ZNF608: variants seen among roughly 807,000 people sequenced by gnomAD.
The protein encoded by ZNF608 is zinc finger protein 608.
In ZNF608, 12 loss-of-function variants were observed where a neutral mutation model predicts 109.0. That is an observed-to-expected ratio of 0.11 (90% CI 0.07 to 0.18). The LOEUF is 0.18. Ranked by LOEUF, ZNF608 falls within the 10% of genes least tolerant of loss-of-function variation. The pLI, the probability that ZNF608 is intolerant of heterozygous loss-of-function variation, is 1.00. For missense variants in ZNF608, 1,707 were observed against 1,879.3 expected (o/e 0.91, Z 1.70); for synonymous variants, 732 against 717.4 (o/e 1.02, Z -0.33).
chr5:124,646,264 C>G (rs544230918), intron 5 of ZNF608, among the ~76,000 whole-genome samples: 31 of 152,000 alleles, frequency 2.0e-4, no homozygotes, highest in Admixed American at 1.7e-3. Flanking sequence ...AGGAGGCTGA[C>G]GCAGGAGAAT....
chr5:124,673,160 G>A (rs1751800689), intron 3 of ZNF608, among the ~76,000 whole-genome samples: 1 of 152,162 alleles, frequency 6.6e-6, no homozygotes, highest in Non-Finnish European at 1.5e-5. Context: ...TATGAGCATA[G>A]TTTGTGCATC....
chr5:124,702,251 C>T (rs1229432545), intron 2 of ZNF608, among the ~76,000 whole-genome samples: 1 of 152,154 alleles, frequency 6.6e-6, no homozygotes, highest in African/African-American at 2.4e-5. Context: ...TGTGAAAATG[C>T]CACACACAAA....
At position 124,744,649 on chromosome 5, in the gene ZNF608, T is replaced by C. The variant is rs1316369664; in HGVS notation, c.341A>G (p.Asp114Gly). 1.9e-6 allele frequency: 3 copies of C among 1,614,102 alleles called. No homozygotes were observed. Among genetic ancestry groups the C allele is most frequent in the East Asian group, 4.5e-5 (2 of 44,884 alleles). The change falls in exon 2 of 10, where the codon GAT becomes GGT. Residue 114 changes from aspartate to glycine, a missense_variant. Physicochemically the swap from Asp to Gly is moderately conservative, Grantham distance 94 (BLOSUM62 -1). This residue lies in a region of ZNF608 where 407 missense variants were observed against 398.7 expected (regional missense o/e 1.02). Transcript: ENST00000513986. This position sits in a 1 kb window ranked among gnomAD's most constrained non-coding sequence, Gnocchi z 4.5. ...AGCAGAAGGCAGAGATTTATTAGCA[T>C]CCTTAGAAGTTTTACTCCTTTTCAC... ...SKVKRSKTSKDANKSLPSAAL... is the reference protein window; with the variant it reads ...SKVKRSKTSKGANKSLPSAAL...
intron 3 of ZNF608, among the ~76,000 whole-genome samples, chr5:124,659,273 G>A (rs1201794545): frequency 1.3e-5 from 2 of 151,798 alleles, no homozygotes; most frequent in African/African-American, 2.4e-5. Flanking sequence ...CATCCTTCAG[G>A]CAAAAACTCC....
intron 2 of ZNF608, among the ~76,000 whole-genome samples, chr5:124,706,518 A>T (rs984515902): frequency 6.6e-6 from 1 of 152,186 alleles, no homozygotes; most frequent in South Asian, 2.1e-4. Context: ...AGAAACACTA[A>T]TATAGTTCTA....
intron 2 of ZNF608, among the ~76,000 whole-genome samples, chr5:124,717,942 C>T (rs984592967): frequency 2.0e-5 from 3 of 152,146 alleles, no homozygotes; most frequent in East Asian, 3.9e-4. Context: ...CTTATAAATC[C>T]TTTTTGCTTT....
chr5:124,725,824 T>C (rs1393641231), intron 2 of ZNF608, among the ~76,000 whole-genome samples: 3 of 152,128 alleles, frequency 2.0e-5, no homozygotes, highest in Non-Finnish European at 4.4e-5. Flanking sequence ...CTCTCTAGTA[T>C]GGACAGCTCT....
chr5:124,690,367 T>G (rs1752565084), intron 3 of ZNF608, among the ~76,000 whole-genome samples: 1 of 152,166 alleles, frequency 6.6e-6, no homozygotes, highest in South Asian at 2.1e-4. Flanking sequence ...TAATATAAAC[T>G]AGGAGCTTTG....
chr5:124,701,243 C>T lies in ZNF608; in HGVS notation c.933G>A (p.Ala311=), dbSNP rs540765354. 47 of 1,614,042 alleles carry T rather than the reference C, an allele frequency of 2.9e-5. No homozygotes were observed. The South Asian group carries it at 4.8e-4, about 17-fold the overall frequency. The change falls in exon 3 of 10, where the codon GCG becomes GCA. Residue 311 remains alanine, a synonymous_variant. Coordinates refer to ENST00000513986, the MANE Select transcript of ZNF608 (RefSeq NM_020747.3). ...GACTGCTGGAAATCGGCGGTGGTGG[C>T]GCTGGCACTGTAAACAGGGGGTCAA... ...EKVDPLFTVP[A]PPPPISSSLT... is the part of the protein sequence containing the mutation.
At chr5:124,661,736 G>T (rs1751272791) in intron 3 of ZNF608, among the ~76,000 whole-genome samples, 1 of 152,094 alleles carries the variant, frequency 6.6e-6, no homozygotes, top group Non-Finnish European at 1.5e-5. Context: ...TATATACTCT[G>T]TGTGTAAATA....
At chr5:124,643,923 C>T (rs892963119) in intron 6 of ZNF608, among the ~76,000 whole-genome samples, 1 of 152,224 alleles carries the variant, frequency 6.6e-6, no homozygotes, top group Admixed American at 6.5e-5. Context: ...CATACATTTA[C>T]GTGTCCGCTT....
chr5:124,659,025 G>A (rs1409545779), intron 3 of ZNF608, among the ~76,000 whole-genome samples: 1 of 152,080 alleles, frequency 6.6e-6, no homozygotes, highest in Non-Finnish European at 1.5e-5. Flanking sequence ...CTGTCAAAAT[G>A]AGAGGGAAAC....
intron 3 of ZNF608, among the ~76,000 whole-genome samples, chr5:124,693,127 C>T (rs1339767503): frequency 2.6e-5 from 4 of 152,200 alleles, no homozygotes; most frequent in African/African-American, 9.6e-5. Context: ...CTGAATTATA[C>T]ACCTTAAGTG....
At chr5:124,703,522 G>A (rs1753139314) in intron 2 of ZNF608, among the ~76,000 whole-genome samples, 1 of 152,056 alleles carries the variant, frequency 6.6e-6, no homozygotes, top group African/African-American at 2.4e-5. Context: ...TCCCAACATT[G>A]TGGGAGCTCC....
intron 3 of ZNF608, among the ~76,000 whole-genome samples, chr5:124,668,195 AATATATATATATATATATATATTAT>A (rs1198839137): frequency 7.4e-6 from 1 of 135,686 alleles, no homozygotes; most frequent in Admixed American, 7.6e-5. Flanking sequence ...TATGCTTAAA[AATATATATATATATATATATATTAT>A]ATATATATAT....
At chr5:124,723,996 A>G (rs1025456742) in intron 2 of ZNF608, among the ~76,000 whole-genome samples, 2 of 152,222 alleles carry the variant, frequency 1.3e-5, no homozygotes, top group Non-Finnish European at 2.9e-5. Flanking sequence ...CTATCAGATT[A>G]GCACAGATTA....
At chr5:124,657,220 G>A (rs920223716) in intron 3 of ZNF608, among the ~76,000 whole-genome samples, 2 of 152,104 alleles carry the variant, frequency 1.3e-5, no homozygotes, top group African/African-American at 2.4e-5. Flanking sequence ...AGGCACCACC[G>A]GTAACACTAA....
intron 3 of ZNF608, among the ~76,000 whole-genome samples, chr5:124,671,450 C>T (rs193035821): frequency 1.3e-5 from 2 of 152,244 alleles, no homozygotes; most frequent in Non-Finnish European, 2.9e-5. Flanking sequence ...TTTCTAATAA[C>T]TACTACAGCA....
intron 3 of ZNF608, among the ~76,000 whole-genome samples, chr5:124,677,004 T>C (rs552707243): frequency 2.0e-5 from 3 of 152,386 alleles, no homozygotes; most frequent in East Asian, 3.9e-4. Context: ...TGAAATTTTC[T>C]ATTACTTAAT....
Sources: gnomAD v4.1 joint callset for allele counts (sites outside exome capture counted in the v4.1 genomes callset) on GRCh38, gnomAD v4.1.1 for gene constraint, gnomAD v4.1.1 regional missense constraint, Gnocchi (gnomAD v3.1) non-coding constraint, MANE v1.5 for transcripts, NCBI Gene and HGNC (gene_info 2026-07-23, HGNC 2026-07-21) for gene names.